PELI2: variants seen among roughly 807,000 people sequenced by gnomAD.
PELI2 encodes the protein pellino E3 ubiquitin protein ligase family member 2.
A neutral mutation model predicts 42.3 loss-of-function variants in PELI2; 23 were observed. That is an observed-to-expected ratio of 0.54 (90% CI 0.39 to 0.77). The LOEUF is 0.77. PELI2 is among the 30% of genes least tolerant of loss of function. The pLI is 0.00. For missense variants in PELI2, 463 were observed against 553.2 expected (o/e 0.84, Z 1.64); for synonymous variants, 245 against 212.2 (o/e 1.15, Z -1.34).
chr14:56,238,982 A>T (rs947976441), intron 2 of PELI2, among the ~76,000 whole-genome samples: 3 of 152,226 alleles, frequency 2.0e-5, no homozygotes, highest in African/African-American at 7.2e-5. Context: ...TAAATTAAAC[A>T]TACTTTATTG....
At chr14:56,125,773 A>G (rs192684555) in intron 1 of PELI2, among the ~76,000 whole-genome samples, 3 of 152,152 alleles carry the variant, frequency 2.0e-5, no homozygotes, top group Admixed American at 1.3e-4. Flanking sequence ...ATTGAATTCC[A>G]CCAGAGCGTA....
At chr14:56,179,501 A>G (rs1885510009) in intron 2 of PELI2, among the ~76,000 whole-genome samples, 1 of 152,234 alleles carries the variant, frequency 6.6e-6, no homozygotes. Context: ...GCGATCTTGT[A>G]TTAATGAGGG....
At chr14:56,239,557 T>C (rs1209645842) in intron 2 of PELI2, among the ~76,000 whole-genome samples, 2 of 152,198 alleles carry the variant, frequency 1.3e-5, no homozygotes, top group East Asian at 1.9e-4. Context: ...ATTTGTAAGG[T>C]ATTTTCCTGT....
At chr14:56,120,234 A>G (rs1883012357) in intron 1 of PELI2, among the ~76,000 whole-genome samples, 1 of 152,228 alleles carries the variant, frequency 6.6e-6, no homozygotes, top group Non-Finnish European at 1.5e-5. Flanking sequence ...ACTTCAGCCC[A>G]ACCTAATCTT....
chr14:56,188,413 G>A lies in PELI2; in HGVS notation c.207+9949G>A, dbSNP rs546847273. On this transcript the variant is annotated intron_variant, in intron 2 of 5. Transcript: ENST00000267460. The stretch of plus-strand genomic sequence containing the variant: ...TTGTTCAGGTTAGTTCTGGAATCTT[G>A]GATTATACTATGAATATTGCTTTCT... Among the ~76,000 whole-genome samples, 92 of 51,966 alleles carry A rather than the reference G, an allele frequency of 1.8e-3. 1 individual carries two copies. In the East Asian group the frequency reaches 0.037, roughly 21 times the overall value. The allele number at this position is 51,966 out of a possible 152,430, so 34.1% of individuals were successfully genotyped here.
intron 2 of PELI2, among the ~76,000 whole-genome samples, chr14:56,235,388 A>G (rs2139780963): frequency 6.6e-6 from 1 of 152,380 alleles, no homozygotes; most frequent in Non-Finnish European, 1.5e-5. Context: ...ACTTAAAGGG[A>G]ACATGGAGAA....
Position 56,300,687 on chromosome 14 carries a change from A to G in PELI2, c.*3521A>G, listed in dbSNP as rs567244628. The G allele has an allele frequency of 6.6e-6, 1 of 152,274 alleles. No homozygotes were observed. The highest frequency in any genetic ancestry group is 2.1e-4 in the South Asian group (1 of 4,818). 9.4% of individuals were successfully genotyped at this position (152,274 alleles called of 1,614,324 possible). A position where few individuals can be genotyped will look rare whatever the true frequency, so the allele number is the denominator to read the frequency against. On this transcript the variant is annotated 3_prime_UTR_variant, in exon 6 of 6. Transcript: ENST00000267460. ...TGCTGGGTAAAAACTATCTTCTTGC[A>G]GCCTTGCCTCATAACAGTGGAATTT...
At chr14:56,175,227 C>T (rs1413063098) in intron 1 of PELI2, among the ~76,000 whole-genome samples, 1 of 152,134 alleles carries the variant, frequency 6.6e-6, no homozygotes, top group Non-Finnish European at 1.5e-5. Context: ...AACTCCTGGG[C>T]TCAAGCTGTC....
chr14:56,235,471 G>A (rs8181971), intron 2 of PELI2, among the ~76,000 whole-genome samples: 61,362 of 152,064 alleles, frequency 0.4, 13,104 homozygotes, highest in South Asian at 0.53. Flanking sequence ...TCTCTTCTAC[G>A]CTAACGGGTG....
intron 1 of PELI2, among the ~76,000 whole-genome samples, chr14:56,153,452 A>G (rs895371939): frequency 7.2e-5 from 11 of 152,162 alleles, no homozygotes; most frequent in African/African-American, 2.7e-4. Flanking sequence ...AGGGTTTGAC[A>G]TTGCCTGATT....
chr14:56,284,830 C>T (rs914170782), intron 3 of PELI2, among the ~76,000 whole-genome samples: 1 of 152,176 alleles, frequency 6.6e-6, no homozygotes, highest in Non-Finnish European at 1.5e-5. Flanking sequence ...AGGCTCTCCT[C>T]TCAAGGAGGC....
intron 2 of PELI2, among the ~76,000 whole-genome samples, chr14:56,194,092 T>C (rs1886046492): frequency 6.6e-6 from 1 of 152,228 alleles, no homozygotes; most frequent in African/African-American, 2.4e-5. Flanking sequence ...TTCTGAACTT[T>C]ATGGACTTGT....
intron 1 of PELI2, among the ~76,000 whole-genome samples, chr14:56,120,394 C>T (rs1209631040): frequency 6.6e-6 from 1 of 152,126 alleles, no homozygotes; most frequent in African/African-American, 2.4e-5. Flanking sequence ...GCGAGTGGGC[C>T]TGGAGAGGTT....
At position 56,273,392 on chromosome 14, in the gene PELI2, T is replaced by C. The variant is rs186593308; in HGVS notation, c.208-6284T>C. ...ACATCCACGGCATTCTCTTGGTCATTGAGCAAGCTACTGAAGCCAGCCCAG... is the reference window on the plus strand; with the variant it reads ...ACATCCACGGCATTCTCTTGGTCATCGAGCAAGCTACTGAAGCCAGCCCAG... On this transcript the variant is annotated intron_variant, in intron 2 of 5. Transcript: ENST00000267460. This position sits in a 1 kb window ranked among gnomAD's most constrained non-coding sequence, Gnocchi z 4.3. Among the ~76,000 whole-genome samples the C allele has an allele frequency of 6.6e-6, 1 of 152,300 alleles. No homozygotes were observed. The highest frequency in any genetic ancestry group is 2.4e-5 in the African/African-American group (1 of 41,572).
chr14:56,211,508 T>C (rs1886711452), intron 2 of PELI2, among the ~76,000 whole-genome samples: 1 of 152,214 alleles, frequency 6.6e-6, no homozygotes, highest in Admixed American at 6.5e-5. Context: ...TATAGTTATG[T>C]ATTTTTAGGT....
intron 1 of PELI2, among the ~76,000 whole-genome samples, chr14:56,143,709 C>T (rs1883999382): frequency 6.6e-6 from 1 of 152,308 alleles, no homozygotes; most frequent in Admixed American, 6.5e-5. Context: ...CTTTTTTGCT[C>T]AGACTGTTTC....
chr14:56,155,755 T>G (rs945355159), intron 1 of PELI2, among the ~76,000 whole-genome samples: 1 of 151,642 alleles, frequency 6.6e-6, no homozygotes, highest in Non-Finnish European at 1.5e-5. Context: ...CTAATTTTTT[T>G]TATATTTTTA....
chr14:56,171,414 G>T (rs1264192167), intron 1 of PELI2, among the ~76,000 whole-genome samples: 1 of 152,152 alleles, frequency 6.6e-6, no homozygotes, highest in Non-Finnish European at 1.5e-5. Flanking sequence ...GACCTTGGAC[G>T]TCCCAGTCTT....
intron 2 of PELI2, among the ~76,000 whole-genome samples, chr14:56,261,159 G>A (rs1467834776): frequency 6.6e-6 from 1 of 152,112 alleles, no homozygotes; most frequent in Non-Finnish European, 1.5e-5. Context: ...GCAGCATGCT[G>A]TAAAGGAGAT....
Sources: allele counts gnomAD v4.1 joint callset (sites outside exome capture counted in the v4.1 genomes callset), GRCh38; gene constraint gnomAD v4.1.1; non-coding constraint Gnocchi (gnomAD v3.1); transcripts MANE v1.5; gene names NCBI Gene and HGNC (gene_info 2026-07-23, HGNC 2026-07-21).